Variants in VTI1A observed in about 807,000 individuals in gnomAD.
VTI1A encodes vesicle transport through interaction with t-SNAREs homolog 1A.
VTI1A carries 22 observed loss-of-function variants against 34.9 expected under a neutral mutation model. That is an observed-to-expected ratio of 0.63 (90% CI 0.45 to 0.90). The LOEUF is 0.90. Ranked by LOEUF, VTI1A falls within the 40% of genes least tolerant of loss-of-function variation. The pLI, the probability that VTI1A is intolerant of heterozygous loss-of-function variation, is 0.00. For synonymous variants in VTI1A, 87 were observed against 97.3 expected (o/e 0.89, Z 0.62); for missense variants, 268 against 275.6 (o/e 0.97, Z 0.20).
chr10:112,604,148 G>A lies in VTI1A; in HGVS notation c.428-64070G>A, dbSNP rs149946219. On this transcript the variant is annotated intron_variant, in intron 5 of 7. Coordinates refer to ENST00000393077, the MANE Select transcript of VTI1A (RefSeq NM_145206.4). ...TGATCTGTTTTGTTAATTTTGCATA[G>A]TGGGTGCTCTGGAGCCACACTGCCT... is the stretch of plus-strand genomic sequence containing the variant. Among the ~76,000 whole-genome samples, 61 of 152,278 alleles carry A rather than the reference G, an allele frequency of 4.0e-4. No individual in the cohort carries two copies. In the East Asian group the frequency reaches 0.012, roughly 29 times the overall value.
intron 7 of VTI1A, among the ~76,000 whole-genome samples, chr10:112,780,583 G>A (rs992593246): frequency 2.6e-5 from 4 of 151,912 alleles, no homozygotes; most frequent in African/African-American, 9.7e-5. Flanking sequence ...CTCATGTCCC[G>A]GGAACTAGAG....
At chr10:112,783,405 A>G (rs886821157) in intron 7 of VTI1A, among the ~76,000 whole-genome samples, 118 of 151,640 alleles carry the variant, frequency 7.8e-4, no homozygotes, top group African/African-American at 2.7e-3. Context: ...GCACGTGCAC[A>G]CACACACACA....
At chr10:112,503,775 A>G (rs1469043113) in intron 3 of VTI1A, among the ~76,000 whole-genome samples, 1 of 152,138 alleles carries the variant, frequency 6.6e-6, no homozygotes, top group African/African-American at 2.4e-5. Context: ...TTTCTGTTGT[A>G]ATCTCTTGGG....
chr10:112,464,772 A>G, intron 3 of VTI1A, 115 bp downstream of exon 3: 2 of 847,742 alleles, frequency 2.4e-6, no homozygotes, highest in Non-Finnish European at 3.7e-6. Flanking sequence ...GACAAGTAAC[A>G]GCTTTCATTC....
intron 5 of VTI1A, among the ~76,000 whole-genome samples, chr10:112,598,278 G>A (rs543885638): frequency 1.4e-4 from 21 of 152,208 alleles, no homozygotes; most frequent in African/African-American, 4.3e-4. Flanking sequence ...TATCTAAAGC[G>A]TATGGTTGTG....
At chr10:112,488,606 G>A (rs189991792) in intron 3 of VTI1A, among the ~76,000 whole-genome samples, 97 of 152,312 alleles carry the variant, frequency 6.4e-4, no homozygotes, top group African/African-American at 2.3e-3. Flanking sequence ...TACTTCCAGT[G>A]TACCACTTTG....
At chr10:112,647,661 C>T (rs1005029708) in intron 5 of VTI1A, among the ~76,000 whole-genome samples, 2 of 152,084 alleles carry the variant, frequency 1.3e-5, no homozygotes, top group African/African-American at 2.4e-5. Flanking sequence ...TATGTTTTTC[C>T]GTAGTTTATG....
chr10:112,639,601 A>G (rs995529682), intron 5 of VTI1A, among the ~76,000 whole-genome samples: 4 of 152,212 alleles, frequency 2.6e-5, no homozygotes, highest in African/African-American at 9.6e-5. Flanking sequence ...TGGGGTGACT[A>G]GATGTTTTAA....
intron 7 of VTI1A, among the ~76,000 whole-genome samples, chr10:112,723,922 A>G (rs1849908096): frequency 6.6e-6 from 1 of 152,234 alleles, no homozygotes; most frequent in African/African-American, 2.4e-5. Context: ...ATAGCCTCTA[A>G]CTGCAATTGT....
At chr10:112,851,845 C>G in the VTI1A span, among the ~76,000 whole-genome samples, 1 of 152,062 alleles carries the variant, frequency 6.6e-6, no homozygotes, top group African/African-American at 2.4e-5. Flanking sequence ...TGATAATGGC[C>G]GTAGGAAGAC....
intron 3 of VTI1A, among the ~76,000 whole-genome samples, chr10:112,518,095 C>T (rs1366627473): frequency 6.6e-6 from 1 of 151,898 alleles, no homozygotes; most frequent in African/African-American, 2.4e-5. Context: ...ATTTTGACAA[C>T]TAGGAAGTCA....
In VTI1A at chr10:112,478,895, G is replaced by A. The variant is rs555560325; in HGVS notation, c.264+14238G>A. Among the ~76,000 whole-genome samples the A allele has an allele frequency of 4.6e-5, 7 of 152,194 alleles. No individual in the cohort carries two copies. In the East Asian group the frequency reaches 5.8e-4, roughly 13 times the overall value. The stretch of plus-strand genomic sequence containing the variant: ...ATTTAGAAGTCACTATTGGCCGGGC[G>A]CGGTGGTTCACGCCTGTAATCCCAG... On this transcript the variant is annotated intron_variant, in intron 3 of 7. Transcript: ENST00000393077.
At chr10:112,737,573 A>C in intron 7 of VTI1A, 1 of 1,048,606 alleles carries the variant, frequency 9.5e-7, no homozygotes, top group Non-Finnish European at 1.2e-6. Flanking sequence ...AGGGGGCGGC[A>C]GGGACAGCAT....
At chr10:112,759,547 C>T (rs1590159508) in intron 7 of VTI1A, among the ~76,000 whole-genome samples, 1 of 152,208 alleles carries the variant, frequency 6.6e-6, no homozygotes, top group Non-Finnish European at 1.5e-5. Context: ...GGAAACACAA[C>T]GGACACAGTT....
chr10:112,692,225 T>C (rs994379490), intron 7 of VTI1A, among the ~76,000 whole-genome samples: 1 of 152,228 alleles, frequency 6.6e-6, no homozygotes, highest in Non-Finnish European at 1.5e-5. Flanking sequence ...AGAAATGCTT[T>C]AAAGTTAATT....
In VTI1A at chr10:112,527,108, A is replaced by C; in HGVS notation, c.286A>C (p.Ser96Arg). Residue 96 changes from serine to arginine, a missense_variant, in exon 4 of 8, where the codon AGT (serine) becomes CGT (arginine). Ser to Arg is a moderately radical substitution (Grantham distance 110). Transcript: ENST00000393077. Reference sequence around the variant, plus strand: ...ATAGAAAAGGTCACGGATCGCCTACAGTGACGAAGTACGGAATGAGCTCCT... The same window carrying C: ...ATAGAAAAGGTCACGGATCGCCTACCGTGACGAAGTACGGAATGAGCTCCT... The part of the protein sequence containing the change: ...TDFKRSRIAY[S>R]DEVRNELLGD... The C allele has an allele frequency of 6.2e-7, 1 of 1,613,368 alleles. No homozygotes were observed.
intron 7 of VTI1A, among the ~76,000 whole-genome samples, chr10:112,748,321 C>G (rs1217332078): frequency 2.0e-5 from 3 of 151,954 alleles, no homozygotes; most frequent in Non-Finnish European, 4.4e-5. Context: ...GAGGCTTTGC[C>G]CATTTTTCTC....
chr10:112,483,799 A>G (rs1200725218), intron 3 of VTI1A, among the ~76,000 whole-genome samples: 1 of 151,332 alleles, frequency 6.6e-6, no homozygotes, highest in African/African-American at 2.4e-5. Context: ...GAGAGAGAAT[A>G]TTAACAATAA....
intron 5 of VTI1A, among the ~76,000 whole-genome samples, chr10:112,593,970 C>T (rs1181136636): frequency 6.6e-6 from 1 of 151,866 alleles, no homozygotes; most frequent in Non-Finnish European, 1.5e-5. Context: ...AGTGCAGTGG[C>T]GCTATCTCAG....
Sources: gnomAD v4.1 joint callset for allele counts (sites outside exome capture counted in the v4.1 genomes callset) on GRCh38, gnomAD v4.1.1 for gene constraint, MANE v1.5 for transcripts, NCBI Gene and HGNC (gene_info 2026-07-23, HGNC 2026-07-21) for gene names.